EYS: variants seen among roughly 807,000 people sequenced by gnomAD.
EYS encodes EGF-like photoreceptor maintenance factor.
In EYS, 250 loss-of-function variants were observed where a neutral mutation model predicts 282.1. The ratio of observed to expected loss-of-function variants is 0.89; its 90% CI spans 0.80 to 0.98. EYS has a LOEUF of 0.98. Ranked by LOEUF, EYS falls within the 50% of genes least tolerant of loss-of-function variation. EYS has a pLI of 0.00. For synonymous variants in EYS, 1,355 were observed against 1,282.9 expected, an observed-to-expected ratio of 1.06 and a Z score of -1.20; for missense variants, 4,016 against 3,709.0, an observed-to-expected ratio of 1.08 and a Z score of -2.15.
At chr6:65,088,011 C>T (rs1446799180) in intron 12 of EYS, among the ~76,000 whole-genome samples, 1 of 152,122 alleles carries the variant, frequency 6.6e-6, no homozygotes. Flanking sequence ...TCCCTGTTTG[C>T]ACTCACTCCA....
At chr6:65,067,396 A>G (rs1773779444) in intron 12 of EYS, among the ~76,000 whole-genome samples, 1 of 152,296 alleles carries the variant, frequency 6.6e-6, no homozygotes, top group South Asian at 2.1e-4. Flanking sequence ...AAGATGCCAC[A>G]GATTGCTCAA....
chr6:65,359,761 T>C (rs1764628989), intron 8 of EYS, among the ~76,000 whole-genome samples: 2 of 152,010 alleles, frequency 1.3e-5, no homozygotes, highest in Admixed American at 6.6e-5. Context: ...TTAGTATTTG[T>C]ATATGTGGCC....
chr6:64,184,861 ATTTG>A (rs1764886991), intron 31 of EYS, among the ~76,000 whole-genome samples: 1 of 151,890 alleles, frequency 6.6e-6, no homozygotes, highest in Admixed American at 6.6e-5. Flanking sequence ...GTTCAATGCT[ATTTG>A]TTTATGTAAA....
At chr6:64,988,860 G>T (rs182063715) in intron 14 of EYS, among the ~76,000 whole-genome samples, 1 of 151,532 alleles carries the variant, frequency 6.6e-6, no homozygotes, top group Admixed American at 6.6e-5. Context: ...GATCAGTGAA[G>T]AAATTATTTT....
At chr6:64,103,865 A>G (rs895163070) in intron 31 of EYS, among the ~76,000 whole-genome samples, 1 of 152,234 alleles carries the variant, frequency 6.6e-6, no homozygotes, top group African/African-American at 2.4e-5. Flanking sequence ...GAGGGAAGAG[A>G]CTGGAAAGAC....
intron 29 of EYS, among the ~76,000 whole-genome samples, chr6:64,377,034 C>T (rs914368555): frequency 3.3e-5 from 5 of 151,620 alleles, no homozygotes; most frequent in Admixed American, 1.3e-4. Flanking sequence ...CCAGTGAATC[C>T]CCAACACAGA....
intron 15 of EYS, among the ~76,000 whole-genome samples, chr6:64,935,078 G>A (rs79482815): frequency 0.01 from 1,549 of 151,878 alleles, 14 homozygotes; most frequent in African/African-American, 0.036. Context: ...TATTAATGCT[G>A]TGTAATTGCT....
At chr6:64,116,663 A>C (rs1424871101) in intron 31 of EYS, among the ~76,000 whole-genome samples, 1 of 152,146 alleles carries the variant, frequency 6.6e-6, no homozygotes, top group East Asian at 1.9e-4. Context: ...GAAAGATAAA[A>C]TGTCTTTAAG....
intron 35 of EYS, among the ~76,000 whole-genome samples, chr6:63,906,280 G>A (rs545147306): frequency 5.5e-4 from 84 of 152,244 alleles, no homozygotes; most frequent in African/African-American, 2.0e-3. Context: ...CTACTGTACT[G>A]CAAAGGTTGA....
chr6:63,882,863 T>C (rs1483165240), intron 35 of EYS, among the ~76,000 whole-genome samples: 1 of 152,152 alleles, frequency 6.6e-6, no homozygotes, highest in African/African-American at 2.4e-5. Flanking sequence ...AAGTCTGACA[T>C]AGTTCAGGAC....
At chr6:64,093,924 G>A (rs527244301) in intron 31 of EYS, among the ~76,000 whole-genome samples, 3 of 152,056 alleles carry the variant, frequency 2.0e-5, no homozygotes, top group Non-Finnish European at 4.4e-5. Flanking sequence ...TTTGAGATAC[G>A]CCCCATCAAT....
chr6:65,256,360 C>G (rs1291168731), intron 12 of EYS, among the ~76,000 whole-genome samples: 1 of 137,336 alleles, frequency 7.3e-6, no homozygotes, highest in African/African-American at 2.9e-5. Flanking sequence ...TGCTGGTGTG[C>G]TGCACCCACT....
intron 28 of EYS, among the ~76,000 whole-genome samples, chr6:64,431,939 C>A (rs1774587522): frequency 6.6e-6 from 1 of 152,080 alleles, no homozygotes; most frequent in Admixed American, 6.6e-5. Flanking sequence ...ACATGTCAGT[C>A]TTCTAAAGTG....
At chr6:64,364,376 G>A in intron 29 of EYS, among the ~76,000 whole-genome samples, 1 of 151,764 alleles carries the variant, frequency 6.6e-6, no homozygotes, top group Non-Finnish European at 1.5e-5. Flanking sequence ...TTTTGTATGT[G>A]TTTCTAATTA....
intron 14 of EYS, among the ~76,000 whole-genome samples, chr6:64,969,997 A>C (rs867749006): frequency 6.6e-6 from 1 of 152,190 alleles, no homozygotes; most frequent in African/African-American, 2.4e-5. Flanking sequence ...TATAATAAGA[A>C]TGTAATACAG....
chr6:65,377,864 A>G (rs1765437045), intron 8 of EYS, among the ~76,000 whole-genome samples: 1 of 152,132 alleles, frequency 6.6e-6, no homozygotes, highest in Admixed American at 6.6e-5. Flanking sequence ...CGAAGAAGTC[A>G]AATCGTGAAT....
intron 12 of EYS, among the ~76,000 whole-genome samples, chr6:65,221,830 A>T (rs1235834756): frequency 2.0e-5 from 3 of 152,208 alleles, no homozygotes; most frequent in Non-Finnish European, 4.4e-5. Flanking sequence ...GCAAAGCCAC[A>T]GAGGCAGAGC....
At chr6:65,440,620 C>T (rs1768276987) in intron 5 of EYS, among the ~76,000 whole-genome samples, 2 of 151,406 alleles carry the variant, frequency 1.3e-5, no homozygotes, top group South Asian at 4.1e-4. Flanking sequence ...GTCTTCCCCA[C>T]ATTTCCTCCA....
intron 2 of EYS, among the ~76,000 whole-genome samples, chr6:65,531,545 A>G (rs947626197): frequency 1.3e-5 from 2 of 152,176 alleles, no homozygotes; most frequent in Admixed American, 1.3e-4. Flanking sequence ...CATGAAAGGA[A>G]ACATTCAAGT....
Sources: gnomAD v4.1 joint callset for allele counts (sites outside exome capture counted in the v4.1 genomes callset) on GRCh38, gnomAD v4.1.1 for gene constraint, MANE v1.5 for transcripts, NCBI Gene and HGNC (gene_info 2026-07-23, HGNC 2026-07-21) for gene names.